CCNL1: variants seen among roughly 807,000 people sequenced by gnomAD.
CCNL1 encodes cyclin L1, also known as cyclin-L1.
A neutral mutation model predicts 60.6 loss-of-function variants in CCNL1; 13 were observed. The observed-to-expected ratio is 0.21, with a 90% CI of 0.14 to 0.34. The LOEUF (loss-of-function observed/expected upper bound fraction) is 0.34, where lower values mean the gene tolerates loss of function less well. Among genes scored for constraint, CCNL1 ranks in the 10% least tolerant of loss-of-function variants. The pLI is 1.00. For synonymous variants in CCNL1, 270 were observed against 244.3 expected (o/e 1.10, Z -0.98); for missense variants, 481 against 664.3 (o/e 0.72, Z 3.03).
In CCNL1 at chr3:157,159,385, C is replaced by A. The variant is rs1428150588; in HGVS notation, c.378+20G>T. The A allele has an allele frequency of 3.1e-6, 5 of 1,612,692 alleles. No individual in the cohort carries two copies. Among genetic ancestry groups the A allele is most frequent in the Non-Finnish European group, 4.2e-6 (5 of 1,178,866 alleles). On this transcript the variant is annotated intron_variant, in intron 2 of 10. Transcript: ENST00000295926. ...TTTCCGGATGAAGAAATCCCTTTTA[C>A]CCGCCTCCGCTGTGCTTACCTCGAA...
chr3:157,157,149 G>C (rs983261396), intron 3 of CCNL1: 21 of 1,255,142 alleles, frequency 1.7e-5, no homozygotes, highest in Admixed American at 6.9e-5. Context: ...ACGTGCTTGA[G>C]TAAACTTGTA....
Position 157,150,164 on chromosome 3 carries a change from C to T in CCNL1, c.780G>A (p.Pro260=), listed in dbSNP as rs142248734. Reference sequence around the variant, plus strand: ...GAAACCAATGGGGACGAGTTGGCAACGGAATCTAAACCATAAGAACAGAAT... The same window carrying T: ...GAAACCAATGGGGACGAGTTGGCAATGGAATCTAAACCATAAGAACAGAAT... ...IYLAARALQI[P]LPTRPHWFLL... is the part of the protein sequence containing the mutation. Residue 260 remains proline (P), a synonymous_variant, in exon 7 of 11, where the codon CCG becomes CCA. Transcript: ENST00000295926. 4.1e-5 allele frequency: 66 copies of T among 1,611,108 alleles called. No individual in the cohort carries two copies. Among genetic ancestry groups the T allele is most frequent in the South Asian group, 1.7e-4 (15 of 90,654 alleles).
rs557329629 is a variant in CCNL1 at position 157,157,913 on chromosome 3, TAACC to T, written c.488+949_488+952del. Among the ~76,000 whole-genome samples, 147 of 152,332 alleles carry T rather than the reference TAACC, an allele frequency of 9.6e-4. 4 individuals are homozygous for T. The South Asian group carries it at 0.028, about 29-fold the overall frequency. On this transcript the variant is annotated intron_variant, in intron 3 of 10. Transcript: ENST00000295926. ...TACTCATATAGAATACTAACAGCAC[TAACC>T]AACATACCCAACCCCCAGAACAACT...
At position 157,147,939 on chromosome 3, in the gene CCNL1, A is replaced by G. The variant is rs1737858398; in HGVS notation, c.*302T>C. On this transcript the variant is annotated 3_prime_UTR_variant, in exon 11 of 11. Coordinates refer to ENST00000295926, the MANE Select transcript of CCNL1 (RefSeq NM_020307.4). Reference sequence around the variant, plus strand: ...TGTCTGCAATTTTATCTGTATAAAAATAAGATACATTTTTACAGAATTCAC... The same window carrying G: ...TGTCTGCAATTTTATCTGTATAAAAGTAAGATACATTTTTACAGAATTCAC... The G allele has an allele frequency of 7.4e-6, 8 of 1,082,908 alleles. No individual in the cohort carries two copies. Among genetic ancestry groups the G allele is most frequent in the African/African-American group, 1.6e-5 (1 of 60,664 alleles). The allele number at this position is 1,082,908 out of a possible 1,614,324, so 67.1% of individuals were successfully genotyped here. A position where few individuals can be genotyped will look rare whatever the true frequency, so the allele number is the denominator to read the frequency against.
Position 157,149,713 on chromosome 3 carries a change from G to A in CCNL1, c.1022-117C>T, listed in dbSNP as rs1004524363. ...CGCTTCCATGTTGGTTGACTGCCATGAGAGAACATAGCAGCAGTTTCCTAA... is the reference window on the plus strand; with the variant it reads ...CGCTTCCATGTTGGTTGACTGCCATAAGAGAACATAGCAGCAGTTTCCTAA... On this transcript the variant is annotated intron_variant, in intron 8 of 10. Transcript: ENST00000295926. 6 of 1,457,284 alleles carry A rather than the reference G, an allele frequency of 4.1e-6. No individual in the cohort carries two copies. The Admixed American group carries it at 6.1e-5, about 15-fold the overall frequency. The allele number at this position is 1,457,284 out of a possible 1,614,324, so 90.3% of individuals were successfully genotyped here.
rs1738961675 is a variant in CCNL1, at chr3:157,159,952, G to A, written c.143C>T (p.Ser48Leu). Residue 48 changes from serine (S) to leucine (L), a missense_variant, in exon 1 of 11, where the codon TCG (serine) becomes TTG (leucine). Transcript: ENST00000295926. ...GTGGTCGATGGTAAGTGAAACTTCC[G>A]AGTACAGGCGATCGCCGATCAGGAT... ...GGILIGDRLYSEVSLTIDHSL... is the reference protein window; with the variant it reads ...GGILIGDRLYLEVSLTIDHSL... 1.9e-6 allele frequency: 3 copies of A among 1,600,566 alleles called. No homozygotes were observed. Among genetic ancestry groups the A allele is most frequent in the African/African-American group, 2.7e-5 (2 of 74,654 alleles).
chr3:157,159,617 T>TCCCTCCGCCTCCGCAG (rs1738916748), intron 1 of CCNL1, 138 bp from the exon 2 acceptor site: 1 of 977,710 alleles, frequency 1.0e-6, no homozygotes, highest in African/African-American at 1.7e-5. Context: ...TGCCAAGTCC[T>TCCCTCCGCCTCCGCAG]CCCTCCGCCT....
chr3:157,157,579 T>G (rs534302988), intron 3 of CCNL1, among the ~76,000 whole-genome samples: 3,104 of 152,292 alleles, frequency 0.02, 113 homozygotes, highest in African/African-American at 0.071. Flanking sequence ...AAATACAGAT[T>G]TAACCTCAGA....
chr3:157,156,325 G>T (rs1354708374), intron 3 of CCNL1, among the ~76,000 whole-genome samples: 1 of 152,204 alleles, frequency 6.6e-6, no homozygotes, highest in Admixed American at 6.5e-5. Flanking sequence ...TAGACTAAAT[G>T]ACATCACTTA....
intron 2 of CCNL1, 119 bp downstream of exon 2, chr3:157,159,286 T>C: frequency 1.2e-6 from 1 of 850,458 alleles, no homozygotes; most frequent in Non-Finnish European, 1.9e-6. Flanking sequence ...GAGTGAGAAG[T>C]AGGTACAAAG....
intron 2 of CCNL1, 117 bp downstream of exon 2, chr3:157,159,288 G>C: frequency 1.1e-6 from 1 of 876,874 alleles, no homozygotes; most frequent in Non-Finnish European, 1.8e-6. Flanking sequence ...GTGAGAAGTA[G>C]GTACAAAGGC....
At chr3:157,151,101 T>C in intron 5 of CCNL1, 1 of 985,022 alleles carries the variant, frequency 1.0e-6, no homozygotes. Context: ...AATGGACTAT[T>C]TCTTAAAAAT....
intron 10 of CCNL1, among the ~76,000 whole-genome samples, 155 bp from the exon 11 acceptor site, chr3:157,148,744 C>G (rs1406025587): frequency 1.3e-5 from 2 of 152,122 alleles, no homozygotes; most frequent in Non-Finnish European, 2.9e-5. Context: ...GCTGTATGCC[C>G]AAGCCTATAT....
rs201302762 is a variant in CCNL1 at position 157,153,637 on chromosome 3, AAAAC to A, written c.489-485_489-482del. The A allele has an allele frequency of 3.6e-3, 544 of 153,152 alleles. 3 individuals are homozygous for A. Among genetic ancestry groups the A allele is most frequent in the African/African-American group, 0.012 (483 of 41,536 alleles). 9.5% of individuals were successfully genotyped at this position (153,152 alleles called of 1,614,324 possible). Reference sequence around the variant, plus strand: ...AATCTCCCACTGCTATTTGACTGGTAAAACAAACAAACAAACAAAACAACTAAAG... The same window carrying A: ...AATCTCCCACTGCTATTTGACTGGTAAAACAAACAAACAAAACAACTAAAG... On this transcript the variant is annotated intron_variant, in intron 3 of 10. Coordinates refer to ENST00000295926, the MANE Select transcript of CCNL1 (RefSeq NM_020307.4).
intron 5 of CCNL1, 88 bp from the exon 6 acceptor site, chr3:157,150,469 TC>T: frequency 6.7e-7 from 1 of 1,497,134 alleles, no homozygotes; most frequent in East Asian, 2.5e-5. Flanking sequence ...TCTACTTTAT[TC>T]TTTTTTCTTC....
At chr3:157,152,300 T>G (rs1699725506) in intron 4 of CCNL1, 59 bp from the exon 5 acceptor site, 1 of 1,569,112 alleles carries the variant, frequency 6.4e-7, no homozygotes, top group South Asian at 1.2e-5. Flanking sequence ...CGGAGTAGAG[T>G]TCAATGAAAA....
chr3:157,147,807 C>T lies in CCNL1; in HGVS notation c.*434G>A. 1 of 984,596 alleles carries T rather than the reference C, an allele frequency of 1.0e-6. No homozygotes were observed. Among genetic ancestry groups the T allele is most frequent in the Non-Finnish European group, 1.2e-6 (1 of 828,696 alleles). 61.0% of individuals were successfully genotyped at this position (984,596 alleles called of 1,614,324 possible). ...GGTATTTGAAGCAGTTTAGAAAAAA[C>T]AAGATTTGTATTTTATTTCCTTGTA... On this transcript the variant is annotated 3_prime_UTR_variant, in exon 11 of 11. Transcript: ENST00000295926.
chr3:157,147,791 A>G lies in CCNL1; in HGVS notation c.*450T>C. Reference sequence around the variant, plus strand: ...TAATTTATTTAAATAAGGTATTTGAAGCAGTTTAGAAAAAACAAGATTTGT... The same window carrying G: ...TAATTTATTTAAATAAGGTATTTGAGGCAGTTTAGAAAAAACAAGATTTGT... On this transcript the variant is annotated 3_prime_UTR_variant, in exon 11 of 11. Transcript: ENST00000295926. The G allele has an allele frequency of 1.0e-6, 1 of 981,412 alleles. No individual in the cohort carries two copies. The allele number at this position is 981,412 out of a possible 1,614,324, so 60.8% of individuals were successfully genotyped here.
At chr3:157,148,760 A>G (rs1023178447) in intron 10 of CCNL1, among the ~76,000 whole-genome samples, 171 bp from the exon 11 acceptor site, 1 of 152,122 alleles carries the variant, frequency 6.6e-6, no homozygotes, top group African/African-American at 2.4e-5. Flanking sequence ...TATATATAAC[A>G]TATTAAATCT....
Sources: allele counts gnomAD v4.1 joint callset (sites outside exome capture counted in the v4.1 genomes callset), GRCh38; gene constraint gnomAD v4.1.1; transcripts MANE v1.5; gene names NCBI Gene and HGNC (gene_info 2026-07-23, HGNC 2026-07-21).